The following POLQ variants were observed in gnomAD, a reference collection of about 807,000 sequenced individuals.
POLQ encodes the protein DNA polymerase theta, also known as epididymis secretory sperm binding protein.
In POLQ, 233 loss-of-function variants were observed where a neutral mutation model predicts 259.2. The ratio of observed to expected loss-of-function variants is 0.90; its 90% CI spans 0.81 to 1.00. The LOEUF is 1.00. Ranked by LOEUF, POLQ falls within the 50% of genes least tolerant of loss-of-function variation. The pLI is 0.00. For missense variants in POLQ, 2,871 were observed against 3,051.6 expected (o/e 0.94, Z 1.39); for synonymous variants, 1,025 against 1,048.8 (o/e 0.98, Z 0.44).
Position 121,487,379 on chromosome 3 carries a change from G to A in POLQ, c.5552C>T (p.Ser1851Phe). The change falls in exon 16 of 30, where the codon TCC becomes TTC. Residue 1851 changes from serine to phenylalanine, a missense_variant. Physicochemically the swap from Ser to Phe is radical, Grantham distance 155. Around this residue, in one of 3 missense-constraint regions of POLQ, gnomAD observed 2,080 missense variants for 2,126.0 expected, o/e 0.98. Coordinates refer to ENST00000264233, the MANE Select transcript of POLQ (RefSeq NM_199420.4). Reference protein sequence around the residue: ...IKEWRCKKRFSISLACEKIRS... With the variant: ...IKEWRCKKRFFISLACEKIRS... The stretch of plus-strand genomic sequence containing the variant: ...AATCTTTTCACAAGCCAGTGAGATG[G>A]AAAATCGCTTTTTGCACCGCCACTC... 3 of 1,614,016 alleles carry A rather than the reference G, an allele frequency of 1.9e-6. No homozygotes were observed. Among genetic ancestry groups the A allele is most frequent in the Non-Finnish European group, 2.5e-6 (3 of 1,179,938 alleles).
chr3:121,541,604 T>A (rs903725817), intron 2 of POLQ, 125 bp from the exon 3 acceptor site: 3 of 687,614 alleles, frequency 4.4e-6, no homozygotes, highest in Non-Finnish European at 7.3e-6. Context: ...AAGGGCCCAA[T>A]AGCACTTAAA....
At chr3:121,501,831 CA>C (rs1168950595) in intron 12 of POLQ, among the ~76,000 whole-genome samples, 1 of 149,272 alleles carries the variant, frequency 6.7e-6, no homozygotes, top group Admixed American at 6.7e-5. Context: ...ACTAAAAATA[CA>C]AAAAAAAATT....
At chr3:121,518,650 T>C (rs2048314981) in intron 9 of POLQ, among the ~76,000 whole-genome samples, 1 of 152,202 alleles carries the variant, frequency 6.6e-6, no homozygotes, top group Admixed American at 6.5e-5. Flanking sequence ...ACTTCCTCAG[T>C]GTACTACCCA....
chr3:121,492,557 A>G (rs971301907), intron 15 of POLQ, among the ~76,000 whole-genome samples: 1 of 152,200 alleles, frequency 6.6e-6, no homozygotes, highest in Non-Finnish European at 1.5e-5. Flanking sequence ...ATCACATCAA[A>G]ATTATCAAAA....
chr3:121,504,801 G>T (rs1421293986), intron 12 of POLQ, among the ~76,000 whole-genome samples: 1 of 152,066 alleles, frequency 6.6e-6, no homozygotes, highest in African/African-American at 2.4e-5. Context: ...TTATTTCACA[G>T]GCTCATCAGT....
chr3:121,434,905 C>T (rs2047530093), intron 28 of POLQ, among the ~76,000 whole-genome samples: 1 of 152,134 alleles, frequency 6.6e-6, no homozygotes, highest in Admixed American at 6.5e-5. Flanking sequence ...GTAATCCCAA[C>T]ACTTTGGGAA....
rs2048157553 is a variant in POLQ, at chr3:121,500,335, A to G, written c.1960-1665T>C. Reference sequence around the variant, plus strand: ...TAAAATGGGGTTTATTATGTTGCCCAGGTTGGTCTTGAATTCTTGAACTCA... The same window carrying G: ...TAAAATGGGGTTTATTATGTTGCCCGGGTTGGTCTTGAATTCTTGAACTCA... On this transcript the variant is annotated intron_variant, in intron 12 of 29. Coordinates refer to ENST00000264233, the MANE Select transcript of POLQ (RefSeq NM_199420.4). Among the ~76,000 whole-genome samples, 6 of 151,682 alleles carry G rather than the reference A, an allele frequency of 4.0e-5. No homozygotes were observed. The South Asian group carries it at 1.2e-3, about 32-fold the overall frequency.
intron 25 of POLQ, 80 bp from the exon 26 acceptor site, chr3:121,449,506 G>A (rs369897949): frequency 3.6e-5 from 28 of 785,096 alleles, no homozygotes; most frequent in East Asian, 1.2e-4. Context: ...TGCGAATTTC[G>A]GCAAACTTTT....
intron 24 of POLQ, among the ~76,000 whole-genome samples, chr3:121,460,527 C>T (rs2047783425): frequency 6.6e-6 from 1 of 152,142 alleles, no homozygotes; most frequent in Non-Finnish European, 1.5e-5. Flanking sequence ...GCACATAATC[C>T]AAAATGGTGC....
At chr3:121,532,292 TCTA>T (rs1439219590) in intron 6 of POLQ, among the ~76,000 whole-genome samples, 1 of 148,422 alleles carries the variant, frequency 6.7e-6, no homozygotes, top group Non-Finnish European at 1.5e-5. Flanking sequence ...ATATTTTCAC[TCTA>T]CTATATATTA....
At chr3:121,455,017 A>G (rs138560554) in intron 25 of POLQ, among the ~76,000 whole-genome samples, 2,069 of 152,290 alleles carry the variant, frequency 0.014, 43 homozygotes, top group African/African-American at 0.046. Context: ...AAGAACAGAA[A>G]TTATAATAAA....
At chr3:121,511,188 T>C (rs2108808341) in intron 10 of POLQ, among the ~76,000 whole-genome samples, 1 of 140,514 alleles carries the variant, frequency 7.1e-6, no homozygotes, top group South Asian at 2.2e-4. Flanking sequence ...ATTGCACCAC[T>C]GCACTCCAGC....
intron 17 of POLQ, 89 bp from the exon 18 acceptor site, chr3:121,483,671 T>A: frequency 1.0e-6 from 1 of 961,060 alleles, no homozygotes; most frequent in Non-Finnish European, 1.5e-6. Context: ...GTAGAAAGAC[T>A]GAAAAAGACT....
intron 26 of POLQ, among the ~76,000 whole-genome samples, chr3:121,447,159 T>C (rs1037292913): frequency 6.7e-6 from 1 of 148,260 alleles, no homozygotes; most frequent in Non-Finnish European, 1.5e-5. Context: ...TTGCAAATAA[T>C]GTCTTATAAC....
intron 6 of POLQ, among the ~76,000 whole-genome samples, chr3:121,531,931 A>G (rs1484769742): frequency 1.3e-5 from 2 of 152,180 alleles, no homozygotes; most frequent in East Asian, 3.9e-4. Flanking sequence ...TTCCAATTCT[A>G]TTTCCAATTC....
Position 121,522,122 on chromosome 3 carries a change from G to A in POLQ, c.1136C>T (p.Pro379Leu). Residue 379 changes from proline (P) to leucine (L), a missense_variant, in exon 8 of 30, where the codon CCA (proline) becomes CTA (leucine). Coordinates refer to ENST00000264233, the MANE Select transcript of POLQ (RefSeq NM_199420.4). ...GAGTTCTTTTTGTTCCAGAATTACT[G>A]GTGGGCATTCAGAGGGTTTCACCAA... ...EGLVKPSECP[P>L]VILEQKELLE... 1 of 1,606,846 alleles carries A rather than the reference G, an allele frequency of 6.2e-7. No homozygotes were observed. Among genetic ancestry groups the A allele is most frequent in the East Asian group, 2.2e-5 (1 of 44,576 alleles).
chr3:121,432,105 A>C lies in POLQ; in HGVS notation c.*199T>G. On this transcript the variant is annotated 3_prime_UTR_variant, in exon 30 of 30. Transcript: ENST00000264233. ...ATGTAACTATTATACTTGGTATTCTACTTCCCCCACGCCCCCAGAAGTTTT... is the reference window on the plus strand; with the variant it reads ...ATGTAACTATTATACTTGGTATTCTCCTTCCCCCACGCCCCCAGAAGTTTT... 1 of 462,098 alleles carries C rather than the reference A, an allele frequency of 2.2e-6. No individual in the cohort carries two copies. Among genetic ancestry groups the C allele is most frequent in the South Asian group, 5.5e-5 (1 of 18,116 alleles). 28.6% of individuals were successfully genotyped at this position (462,098 alleles called of 1,614,324 possible). A position where few individuals can be genotyped will look rare whatever the true frequency, so the allele number is the denominator to read the frequency against.
At position 121,468,357 on chromosome 3, in the gene POLQ, C is replaced by G; in HGVS notation, c.6793G>C (p.Gly2265Arg). ...ACAGCTTGAGAAGGTGGGCTTTCTC[C>G]TACTAGTGTTGGCATTTTGATTTCA... is the stretch of plus-strand genomic sequence containing the variant. ...DFEIKMPTLVGESPPSQAVGK... is the reference protein window; with the variant it reads ...DFEIKMPTLVRESPPSQAVGK... The change falls in exon 23 of 30, where the codon GGA becomes CGA. Residue 2265 changes from glycine to arginine, a missense_variant. By Grantham distance (125) the Gly-to-Arg change is moderately radical. Transcript: ENST00000264233. 2 of 1,611,784 alleles carry G rather than the reference C, an allele frequency of 1.2e-6. No homozygotes were observed. Among genetic ancestry groups the G allele is most frequent in the Non-Finnish European group, 1.7e-6 (2 of 1,178,006 alleles).
intron 25 of POLQ, among the ~76,000 whole-genome samples, chr3:121,451,998 C>T (rs547743631): frequency 2.6e-4 from 39 of 152,338 alleles, no homozygotes; most frequent in African/African-American, 9.1e-4. Flanking sequence ...GGGCGCCCCT[C>T]CCCCAGCCTT....
Sources: gnomAD v4.1 joint callset for allele counts (sites outside exome capture counted in the v4.1 genomes callset) on GRCh38, gnomAD v4.1.1 for gene constraint, gnomAD v4.1.1 regional missense constraint, MANE v1.5 for transcripts, NCBI Gene and HGNC (gene_info 2026-07-23, HGNC 2026-07-21) for gene names.